Variants in SMIM1 observed in about 807,000 individuals in gnomAD.
SMIM1 encodes the protein small integral membrane protein 1 (Vel blood group).
Under a neutral mutation model 7.7 loss-of-function variants are expected in SMIM1, and 7 were observed. The observed-to-expected ratio is 0.91, with a 90% confidence interval of 0.52 to 1.71. The LOEUF is 1.71. Among genes scored for constraint, SMIM1 ranks in the 40% most tolerant of loss-of-function variants. The pLI, the probability that SMIM1 is intolerant of heterozygous loss-of-function variation, is 0.00. For missense variants in SMIM1, 95 were observed against 102.8 expected (o/e 0.92, Z 0.33); for synonymous variants, 41 against 42.7 (o/e 0.96, Z 0.16).
chr1:3,775,686 A>G lies in SMIM1; in HGVS notation c.111-109A>G. On this transcript the variant is annotated intron_variant, in intron 3 of 3. Coordinates refer to ENST00000642557, the MANE Select transcript of SMIM1 (RefSeq NM_001288583.2). The surrounding 1 kb of genome is among the most constrained non-coding windows in gnomAD (Gnocchi z 5.3). ...GGGAGAGCTTCCTCTTGACTCCAGC[A>G]GAGCGCCCAGGCCCCTCCCCCTGAC... 7.0e-7 allele frequency: 1 copy of G among 1,433,104 alleles called. No homozygotes were observed. Among genetic ancestry groups the G allele is most frequent in the Non-Finnish European group, 9.2e-7 (1 of 1,087,322 alleles). The allele number at this position is 1,433,104 out of a possible 1,614,324, so 88.8% of individuals were successfully genotyped here.
chr1:3,773,774 G>C (rs188331157), intron 2 of SMIM1, among the ~76,000 whole-genome samples: 8 of 152,196 alleles, frequency 5.3e-5, no homozygotes, highest in Non-Finnish European at 8.8e-5. Context: ...TGTCTTACCC[G>C]GGTCATGGCT....
In SMIM1 at chr1:3,775,560, T is replaced by C; in HGVS notation, c.110+77T>C. ...CAGAGACGCCTGCCCTAACCCCTGC[T>C]ACCGGCCCCATCACCCTCCACCCCA... On this transcript the variant is annotated intron_variant, in intron 3 of 3. Coordinates refer to ENST00000642557, the MANE Select transcript of SMIM1 (RefSeq NM_001288583.2). The surrounding 1 kb of genome is among the most constrained non-coding windows in gnomAD (Gnocchi z 5.3). 7.3e-7 allele frequency: 1 copy of C among 1,367,574 alleles called. No individual in the cohort carries two copies. The highest frequency in any genetic ancestry group is 1.4e-5 in the African/African-American group (1 of 69,374). The allele number at this position is 1,367,574 out of a possible 1,614,324, so 84.7% of individuals were successfully genotyped here. A position where few individuals can be genotyped will look rare whatever the true frequency, so the allele number is the denominator to read the frequency against.
At position 3,773,192 on chromosome 1, in the gene SMIM1, G is replaced by A. The variant is rs1001232288; in HGVS notation, c.-76+11G>A. On this transcript the variant is annotated intron_variant, in intron 2 of 3. Transcript: ENST00000642557. ...GGCAAGGTTCTCCGGGTAAGTGTGG[G>A]GCCCTGAGGCGCTGTGGGGTGAAGA... 2 of 152,364 alleles carry A rather than the reference G, an allele frequency of 1.3e-5. No individual in the cohort carries two copies. Among genetic ancestry groups the A allele is most frequent in the African/African-American group, 4.8e-5 (2 of 41,480 alleles). 9.4% of individuals were successfully genotyped at this position (152,364 alleles called of 1,614,324 possible). A position where few individuals can be genotyped will look rare whatever the true frequency, so the allele number is the denominator to read the frequency against.
At chr1:3,774,026 G>GC (rs1643421403) in intron 2 of SMIM1, among the ~76,000 whole-genome samples, 1 of 152,224 alleles carries the variant, frequency 6.6e-6, no homozygotes, top group Non-Finnish European at 1.5e-5. Context: ...GGCTTTGGGG[G>GC]AAGGCAGACA....
chr1:3,775,565 G>T lies in SMIM1; in HGVS notation c.110+82G>T. 1 of 1,343,888 alleles carries T rather than the reference G, an allele frequency of 7.4e-7. No individual in the cohort carries two copies. 83.2% of individuals were successfully genotyped at this position (1,343,888 alleles called of 1,614,324 possible). ...ACGCCTGCCCTAACCCCTGCTACCG[G>T]CCCCATCACCCTCCACCCCATCCTG... is the stretch of plus-strand genomic sequence containing the variant. On this transcript the variant is annotated intron_variant, in intron 3 of 3. Coordinates refer to ENST00000642557, the MANE Select transcript of SMIM1 (RefSeq NM_001288583.2). The surrounding 1 kb of genome is among the most constrained non-coding windows in gnomAD (Gnocchi z 5.3).
At position 3,773,180 on chromosome 1, in the gene SMIM1, G is replaced by A. The variant is rs1643406623; in HGVS notation, c.-77G>A. ...CCCCAGCCCTCAGGCAAGGTTCTCC[G>A]GGTAAGTGTGGGGCCCTGAGGCGCT... On this transcript the variant is annotated splice_region_variant and 5_prime_UTR_variant, in exon 2 of 4. Transcript: ENST00000642557. The A allele has an allele frequency of 6.6e-6, 1 of 152,334 alleles. No homozygotes were observed. Among genetic ancestry groups the A allele is most frequent in the Admixed American group, 6.5e-5 (1 of 15,290 alleles). 9.4% of individuals were successfully genotyped at this position (152,334 alleles called of 1,614,324 possible). A position where few individuals can be genotyped will look rare whatever the true frequency, so the allele number is the denominator to read the frequency against.
rs147070306 is a variant in SMIM1 at position 3,773,681 on chromosome 1, C to CAA, written c.-76+502_-76+503dup. On this transcript the variant is annotated intron_variant, in intron 2 of 3. Transcript: ENST00000642557. Reference sequence around the variant, plus strand: ...GTGGCTGCTGCTGCTTTCACAGAAGCAAACTCTCCCATCCCCTGCTGCACC... The same window carrying CAA: ...GTGGCTGCTGCTGCTTTCACAGAAGCAAAAACTCTCCCATCCCCTGCTGCACC... Among the ~76,000 whole-genome samples the CAA allele has an allele frequency of 4.4e-3, 671 of 152,292 alleles. 1 individual carries two copies. Among genetic ancestry groups the CAA allele is most frequent in the African/African-American group, 0.015 (643 of 41,560 alleles).
chr1:3,774,850 G>A (rs778321744), intron 2 of SMIM1, among the ~76,000 whole-genome samples: 18 of 149,288 alleles, frequency 1.2e-4, no homozygotes, highest in South Asian at 2.1e-4. Context: ...CCGCTGCCCC[G>A]GACCTGCTGC....
At chr1:3,773,352 C>T (rs1379071958) in intron 2 of SMIM1, among the ~76,000 whole-genome samples, 171 bp downstream of exon 2, 3 of 152,362 alleles carry the variant, frequency 2.0e-5, no homozygotes, top group African/African-American at 7.2e-5. Flanking sequence ...CTGTGACCAT[C>T]ACATGAGTGT....
chr1:3,775,603 C>A lies in SMIM1; in HGVS notation c.110+120C>A. 7.9e-7 allele frequency: 1 copy of A among 1,270,642 alleles called. No individual in the cohort carries two copies. The highest frequency in any genetic ancestry group is 1.1e-6 in the Non-Finnish European group (1 of 935,172). The allele number at this position is 1,270,642 out of a possible 1,614,324, so 78.7% of individuals were successfully genotyped here. ...CCACCCCATCCTGGCTGGGAGCCCACGGTCCAGCAGCTCAGCAAACCGCAG... is the reference window on the plus strand; with the variant it reads ...CCACCCCATCCTGGCTGGGAGCCCAAGGTCCAGCAGCTCAGCAAACCGCAG... On this transcript the variant is annotated intron_variant, in intron 3 of 3. Coordinates refer to ENST00000642557, the MANE Select transcript of SMIM1 (RefSeq NM_001288583.2). The surrounding 1 kb of genome is among the most constrained non-coding windows in gnomAD (Gnocchi z 5.3).
rs927557107 is a variant in SMIM1 at position 3,775,608 on chromosome 1, C to T, written c.110+125C>T. The stretch of plus-strand genomic sequence containing the variant: ...CCATCCTGGCTGGGAGCCCACGGTC[C>T]AGCAGCTCAGCAAACCGCAGCCTTT... On this transcript the variant is annotated intron_variant, in intron 3 of 3. Transcript: ENST00000642557. This position sits in a 1 kb window ranked among gnomAD's most constrained non-coding sequence, Gnocchi z 5.3. 5 of 1,269,188 alleles carry T rather than the reference C, an allele frequency of 3.9e-6. No individual in the cohort carries two copies. The Admixed American group carries it at 7.8e-5, about 20-fold the overall frequency. The allele number at this position is 1,269,188 out of a possible 1,614,324, so 78.6% of individuals were successfully genotyped here.
intron 2 of SMIM1, among the ~76,000 whole-genome samples, chr1:3,774,203 G>A (rs1643423439): frequency 1.3e-5 from 2 of 152,092 alleles, no homozygotes; most frequent in Admixed American, 1.3e-4. Flanking sequence ...TAGAAGTGAG[G>A]GGCCTGCCAT....
In SMIM1 at chr1:3,775,728, A is replaced by G. The variant is rs1643448293; in HGVS notation, c.111-67A>G. On this transcript the variant is annotated intron_variant, in intron 3 of 3. Coordinates refer to ENST00000642557, the MANE Select transcript of SMIM1 (RefSeq NM_001288583.2). This position sits in a 1 kb window ranked among gnomAD's most constrained non-coding sequence, Gnocchi z 5.3. ...CCCCCTGACCCAGACCAACGGCCAC[A>G]GTCCACTTAGGGGGCCCCTCATGCG... is the stretch of plus-strand genomic sequence containing the variant. 2.6e-6 allele frequency: 4 copies of G among 1,509,532 alleles called. No individual in the cohort carries two copies. Among genetic ancestry groups the G allele is most frequent in the South Asian group, 2.5e-5 (2 of 79,660 alleles). The allele number at this position is 1,509,532 out of a possible 1,614,324, so 93.5% of individuals were successfully genotyped here. A position where few individuals can be genotyped will look rare whatever the true frequency, so the allele number is the denominator to read the frequency against.
At position 3,775,338 on chromosome 1, in the gene SMIM1, G is replaced by T; in HGVS notation, c.-36G>T. The T allele has an allele frequency of 1.3e-6, 2 of 1,511,834 alleles. No homozygotes were observed. The highest frequency in any genetic ancestry group is 1.8e-6 in the Non-Finnish European group (2 of 1,120,516). 93.7% of individuals were successfully genotyped at this position (1,511,834 alleles called of 1,614,324 possible). A position where few individuals can be genotyped will look rare whatever the true frequency, so the allele number is the denominator to read the frequency against. On this transcript the variant is annotated 5_prime_UTR_variant, in exon 3 of 4. Transcript: ENST00000642557. The surrounding 1 kb of genome is among the most constrained non-coding windows in gnomAD (Gnocchi z 5.3). ...GGCCACCTGTCTTGATCTCCCCACC[G>T]AGAAGGCCCCGCCCCTCCCGCTGCA...
chr1:3,775,576 C>T lies in SMIM1; in HGVS notation c.110+93C>T. On this transcript the variant is annotated intron_variant, in intron 3 of 3. Coordinates refer to ENST00000642557, the MANE Select transcript of SMIM1 (RefSeq NM_001288583.2). This position sits in a 1 kb window ranked among gnomAD's most constrained non-coding sequence, Gnocchi z 5.3. ...AACCCCTGCTACCGGCCCCATCACC[C>T]TCCACCCCATCCTGGCTGGGAGCCC... The T allele has an allele frequency of 7.6e-7, 1 of 1,309,576 alleles. No homozygotes were observed. Among genetic ancestry groups the T allele is most frequent in the Non-Finnish European group, 1.0e-6 (1 of 959,778 alleles). The allele number at this position is 1,309,576 out of a possible 1,614,324, so 81.1% of individuals were successfully genotyped here.
chr1:3,775,707 C>T lies in SMIM1; in HGVS notation c.111-88C>T, dbSNP rs773596451. 7.4e-5 allele frequency: 110 copies of T among 1,483,328 alleles called. No individual in the cohort carries two copies. The Middle Eastern group carries it at 1.6e-3, about 22-fold the overall frequency. 91.9% of individuals were successfully genotyped at this position (1,483,328 alleles called of 1,614,324 possible). ...CAGCAGAGCGCCCAGGCCCCTCCCCCTGACCCAGACCAACGGCCACAGTCC... is the reference window on the plus strand; with the variant it reads ...CAGCAGAGCGCCCAGGCCCCTCCCCTTGACCCAGACCAACGGCCACAGTCC... On this transcript the variant is annotated intron_variant, in intron 3 of 3. Transcript: ENST00000642557. The surrounding 1 kb of genome is among the most constrained non-coding windows in gnomAD (Gnocchi z 5.3).
In SMIM1 at chr1:3,774,823, C is replaced by T. The variant is rs1046626869; in HGVS notation, c.-75-476C>T. On this transcript the variant is annotated intron_variant, in intron 2 of 3. Transcript: ENST00000642557. ...CCACGCATCCTCCCCAGACAGGGAC[C>T]GGTCTAGCTGTACCAGCCGCTGCCC... Among the ~76,000 whole-genome samples the T allele has an allele frequency of 3.9e-5, 6 of 152,108 alleles. No homozygotes were observed. In the South Asian group the frequency reaches 8.3e-4, roughly 21 times the overall value.
chr1:3,774,729 G>A (rs1339809920), intron 2 of SMIM1, among the ~76,000 whole-genome samples: 1 of 152,112 alleles, frequency 6.6e-6, no homozygotes, highest in Non-Finnish European at 1.5e-5. Flanking sequence ...CCTCCTAGAG[G>A]TGTGGGTGGG....
chr1:3,774,869 AC>A (rs1161644182), intron 2 of SMIM1, among the ~76,000 whole-genome samples: 11 of 96,472 alleles, frequency 1.1e-4, no homozygotes, highest in South Asian at 3.3e-4. Flanking sequence ...GCCCTGCCCC[AC>A]CCCCCCCTCC....
Sources: allele counts gnomAD v4.1 joint callset (sites outside exome capture counted in the v4.1 genomes callset), GRCh38; gene constraint gnomAD v4.1.1; non-coding constraint Gnocchi (gnomAD v3.1); transcripts MANE v1.5; gene names NCBI Gene and HGNC (gene_info 2026-07-23, HGNC 2026-07-21).